CYP3A5: variants seen among roughly 807,000 people sequenced by gnomAD.
CYP3A5 encodes the protein cytochrome P450 family 3 subfamily A member 5, also known as cytochrome P450 3A5.
In CYP3A5, 51 loss-of-function variants were observed where a neutral mutation model predicts 55.9. The observed-to-expected ratio is 0.91, with a 90% CI of 0.73 to 1.15. The LOEUF (loss-of-function observed/expected upper bound fraction) is 1.15, where lower values mean the gene tolerates loss of function less well. Ranked by LOEUF, CYP3A5 falls within the 50% of genes most tolerant of loss-of-function variation. CYP3A5 has a pLI of 0.00. For missense variants in CYP3A5, 533 were observed against 596.6 expected (o/e 0.89, Z 1.11); for synonymous variants, 196 against 213.9 (o/e 0.92, Z 0.73).
At chr7:99,663,696 G>T in intron 8 of CYP3A5, 2 of 1,053,432 alleles carry the variant, frequency 1.9e-6, no homozygotes, top group Non-Finnish European at 2.3e-6. Context: ...TTTATTAAAG[G>T]GAAGAGAAGT....
Position 99,652,791 on chromosome 7 carries a change from G to T in CYP3A5, c.1027-12C>A, listed in dbSNP as rs755018608. 4.9e-5 allele frequency: 78 copies of T among 1,604,676 alleles called. No homozygotes were observed. Among genetic ancestry groups the T allele is most frequent in the Middle Eastern group, 3.3e-4 (2 of 6,048 alleles). ...TAGGTAGGTGGTGCCTGGAAGGAAA[G>T]AAACAGAATTGGATAATCTGAGATT... On this transcript the variant is annotated splice_polypyrimidine_tract_variant and intron_variant, in intron 10 of 12. Transcript: ENST00000222982.
At chr7:99,667,360 T>C (rs1261263971) in intron 4 of CYP3A5, among the ~76,000 whole-genome samples, 1 of 152,132 alleles carries the variant, frequency 6.6e-6, no homozygotes, top group African/African-American at 2.4e-5. Context: ...GTTCTTCCAG[T>C]GGAATAGACA....
At chr7:99,657,130 G>C (rs1809826671) in intron 10 of CYP3A5, among the ~76,000 whole-genome samples, 1 of 152,042 alleles carries the variant, frequency 6.6e-6, no homozygotes, top group African/African-American at 2.4e-5. Context: ...GCTATCTTTT[G>C]AATGTGTTTG....
chr7:99,671,633 T>C (rs993074174), intron 4 of CYP3A5: 1 of 565,960 alleles, frequency 1.8e-6, no homozygotes, highest in African/African-American at 1.9e-5. Context: ...TTAAACTATA[T>C]AACTCTTAGA....
Position 99,672,916 on chromosome 7 carries a change from T to C in CYP3A5, c.219-237A>G, listed in dbSNP as rs776746. ...ATGTGGTCCAAACAGGGAAGAGATA[T>C]TGAAAGACAAAAGAGCTCTTTAAAG... On this transcript the variant is annotated intron_variant, in intron 3 of 12. Coordinates refer to ENST00000222982, the MANE Select transcript of CYP3A5 (RefSeq NM_000777.5). The C allele has an allele frequency of 0.88, 1,150,440 of 1,304,936 alleles. 522,108 individuals are homozygous for C. Among genetic ancestry groups the C allele is most frequent in the Non-Finnish European group, 0.93 (957,479 of 1,026,314 alleles). 80.8% of individuals were successfully genotyped at this position (1,304,936 alleles called of 1,614,324 possible).
chr7:99,652,575 G>C lies in CYP3A5; in HGVS notation c.1231C>G (p.Pro411Ala), dbSNP rs756677833. 8 of 1,612,506 alleles carry C rather than the reference G, an allele frequency of 5.0e-6. No homozygotes were observed. The highest frequency in any genetic ancestry group is 5.1e-6 in the Non-Finnish European group (6 of 1,178,962). ...LHHDPKYWTEPEEFRPERFSK... is the reference protein window; with the variant it reads ...LHHDPKYWTEAEEFRPERFSK... Reference sequence around the variant, plus strand: ...TACCTTTCAGGGCGGAACTCCTCAGGCTCTGTCCAGTACTTTGGGTCATGG... The same window carrying C: ...TACCTTTCAGGGCGGAACTCCTCAGCCTCTGTCCAGTACTTTGGGTCATGG... The change falls in exon 11 of 13, where the codon CCT becomes GCT. Residue 411 changes from proline to alanine, a missense_variant. Physicochemically the swap from Pro to Ala is conservative, Grantham distance 27 (BLOSUM62 -1). Transcript: ENST00000222982.
At chr7:99,674,422 T>G in intron 3 of CYP3A5, 111 bp downstream of exon 3, 2 of 742,036 alleles carry the variant, frequency 2.7e-6, no homozygotes, top group South Asian at 4.2e-5. Context: ...CTGTTTGTAT[T>G]TAGGTTGACA....
In CYP3A5 at chr7:99,653,497, A is replaced by C. The variant is rs539131204; in HGVS notation, c.1027-718T>G. 6.8e-6 allele frequency among the ~76,000 whole-genome samples: 1 copy of C among 146,944 alleles called. No homozygotes were observed. The highest frequency in any genetic ancestry group is 2.2e-4 in the South Asian group (1 of 4,524). Reference sequence around the variant, plus strand: ...AATAAATAAATAAATTTGTGGATAAACTTGTTCCTTTCTATCACAAATACG... The same window carrying C: ...AATAAATAAATAAATTTGTGGATAACCTTGTTCCTTTCTATCACAAATACG... On this transcript the variant is annotated intron_variant, in intron 10 of 12. Coordinates refer to ENST00000222982, the MANE Select transcript of CYP3A5 (RefSeq NM_000777.5). The surrounding 1 kb of genome is among the most constrained non-coding windows in gnomAD (Gnocchi z 4.2).
chr7:99,664,125 A>G (rs772589149), intron 7 of CYP3A5, 30 bp from the exon 8 acceptor site: 2 of 1,522,786 alleles, frequency 1.3e-6, no homozygotes, highest in South Asian at 2.5e-5. Flanking sequence ...AACAAAAGGA[A>G]ATCATTGAAA....
At position 99,663,956 on chromosome 7, in the gene CYP3A5, A is replaced by T; in HGVS notation, c.798+12T>A. Reference sequence around the variant, plus strand: ...ACCTAAACATCGTCATTTAACCACCATCAGATTTTACCTTTTGTTTGTCGT... The same window carrying T: ...ACCTAAACATCGTCATTTAACCACCTTCAGATTTTACCTTTTGTTTGTCGT... On this transcript the variant is annotated intron_variant, in intron 8 of 12. Coordinates refer to ENST00000222982, the MANE Select transcript of CYP3A5 (RefSeq NM_000777.5). 1 of 1,577,028 alleles carries T rather than the reference A, an allele frequency of 6.3e-7. No individual in the cohort carries two copies. Among genetic ancestry groups the T allele is most frequent in the Non-Finnish European group, 8.5e-7 (1 of 1,169,738 alleles).
intron 2 of CYP3A5, 132 bp from the exon 3 acceptor site, chr7:99,674,717 A>G: frequency 1.5e-6 from 1 of 646,894 alleles, no homozygotes. Flanking sequence ...GAAGGAAGCT[A>G]TTCAGAGATG....
chr7:99,673,534 T>C (rs1372791584), intron 3 of CYP3A5, among the ~76,000 whole-genome samples: 2 of 152,218 alleles, frequency 1.3e-5, no homozygotes, highest in East Asian at 3.8e-4. Flanking sequence ...AAGTTTTGGC[T>C]TAAATTTAAA....
intron 6 of CYP3A5, 54 bp from the exon 7 acceptor site, chr7:99,665,368 A>G (rs775721404): frequency 8.6e-5 from 138 of 1,605,100 alleles, no homozygotes; most frequent in Non-Finnish European, 4.0e-5. Context: ...CCGTCCTTCC[A>G]CTATACATGC....
chr7:99,660,465 C>T (rs1413728684), intron 10 of CYP3A5, 34 bp downstream of exon 10: 23 of 1,569,440 alleles, frequency 1.5e-5, no homozygotes, highest in Non-Finnish European at 1.9e-5. Flanking sequence ...AAGGCTTCAC[C>T]TCTTCCCTTC....
intron 4 of CYP3A5, among the ~76,000 whole-genome samples, chr7:99,670,442 C>T (rs1009711925): frequency 2.0e-5 from 3 of 152,170 alleles, no homozygotes; most frequent in East Asian, 3.8e-4. Flanking sequence ...GCCAAAAATA[C>T]GCAGCCTTGC....
Position 99,650,052 on chromosome 7 carries a change from ACAT to A in CYP3A5, c.1413+18_1413+20del. 1.2e-6 allele frequency: 2 copies of A among 1,613,140 alleles called. No homozygotes were observed. Among genetic ancestry groups the A allele is most frequent in the Non-Finnish European group, 1.7e-6 (2 of 1,179,494 alleles). On this transcript the variant is annotated intron_variant, in intron 12 of 12. Coordinates refer to ENST00000222982, the MANE Select transcript of CYP3A5 (RefSeq NM_000777.5). ...TTCAGTTAAAAAAATTCTTAATAAAACATACAGAAAGTGTACTGACCTGTGTTT... is the reference window on the plus strand; with the variant it reads ...TTCAGTTAAAAAAATTCTTAATAAAAACAGAAAGTGTACTGACCTGTGTTT...
chr7:99,649,758 A>G (rs1457641961), intron 12 of CYP3A5, among the ~76,000 whole-genome samples: 5 of 152,240 alleles, frequency 3.3e-5, no homozygotes, highest in African/African-American at 1.2e-4. Context: ...AGTCACAGCC[A>G]GGTAATCATT....
Position 99,668,009 on chromosome 7 carries a change from G to A in CYP3A5, c.319-944C>T, listed in dbSNP as rs566317129. 2.6e-5 allele frequency among the ~76,000 whole-genome samples: 4 copies of A among 152,284 alleles called. No individual in the cohort carries two copies. The East Asian group carries it at 7.7e-4, about 29-fold the overall frequency. On this transcript the variant is annotated intron_variant, in intron 4 of 12. Coordinates refer to ENST00000222982, the MANE Select transcript of CYP3A5 (RefSeq NM_000777.5). ...AATAATAGAATTGTCTCTATTTTCA[G>A]GTGACATAATTGTCAATGTATAAAA...
chr7:99,672,918 G>A (rs1365102093), intron 3 of CYP3A5: 1 of 1,301,662 alleles, frequency 7.7e-7, no homozygotes, highest in African/African-American at 1.5e-5. Context: ...AAGAGATATT[G>A]AAAGACAAAA....
Sources: gnomAD v4.1 joint callset for allele counts (sites outside exome capture counted in the v4.1 genomes callset) on GRCh38, gnomAD v4.1.1 for gene constraint, Gnocchi (gnomAD v3.1) non-coding constraint, MANE v1.5 for transcripts, NCBI Gene and HGNC (gene_info 2026-07-23, HGNC 2026-07-21) for gene names.